Variants in HCN1 observed in about 807,000 individuals in gnomAD.
HCN1 encodes hyperpolarization activated cyclic nucleotide gated potassium channel 1, also known as potassium/sodium hyperpolarization-activated cyclic nucleotide-gated channel 1.
Under a neutral mutation model 78.9 loss-of-function variants are expected in HCN1, and 13 were observed. The observed-to-expected ratio is 0.16, with a 90% confidence interval of 0.11 to 0.26. HCN1 has a LOEUF of 0.26. HCN1 is among the 10% of genes least tolerant of loss of function. HCN1 has a pLI of 1.00. For missense variants in HCN1, 810 were observed against 1,154.3 expected, an observed-to-expected ratio of 0.70 and a Z score of 4.32; for synonymous variants, 552 against 455.5, an observed-to-expected ratio of 1.21 and a Z score of -2.70.
At chr5:45,577,443 C>T (rs1057408743) in intron 2 of HCN1, among the ~76,000 whole-genome samples, 6 of 151,970 alleles carry the variant, frequency 3.9e-5, no homozygotes, top group Non-Finnish European at 7.4e-5. Flanking sequence ...AAACTAGTTT[C>T]ACAAATTATC....
chr5:45,318,293 T>C (rs1369836712), intron 5 of HCN1, among the ~76,000 whole-genome samples: 1 of 152,038 alleles, frequency 6.6e-6, no homozygotes, highest in African/African-American at 2.4e-5. Flanking sequence ...AAACCATCTT[T>C]CTTAGAAAAC....
chr5:45,303,427 T>C (rs1435912613), intron 6 of HCN1, among the ~76,000 whole-genome samples, 172 bp downstream of exon 6: 4 of 152,142 alleles, frequency 2.6e-5, no homozygotes, highest in African/African-American at 9.7e-5. Context: ...TGCACACACA[T>C]TGAGCCTGTG....
At chr5:45,350,695 A>C (rs1746875919) in intron 5 of HCN1, among the ~76,000 whole-genome samples, 1 of 150,940 alleles carries the variant, frequency 6.6e-6, no homozygotes, top group Non-Finnish European at 1.5e-5. Flanking sequence ...TACAAAATCA[A>C]TGTACAAAAA....
intron 4 of HCN1, 30 bp from the exon 5 acceptor site, chr5:45,353,276 A>C: frequency 6.6e-7 from 1 of 1,516,380 alleles, no homozygotes; most frequent in Non-Finnish European, 9.1e-7. Flanking sequence ...AAATTAAAAA[A>C]AAACATTGTT....
At chr5:45,633,231 TG>T (rs1745300136) in intron 2 of HCN1, among the ~76,000 whole-genome samples, 1 of 152,000 alleles carries the variant, frequency 6.6e-6, no homozygotes, top group African/African-American at 2.4e-5. Flanking sequence ...TGAATGCAAA[TG>T]AATGTCTCAT....
intron 5 of HCN1, among the ~76,000 whole-genome samples, chr5:45,314,971 T>A (rs1468324781): frequency 6.6e-6 from 1 of 152,120 alleles, no homozygotes; most frequent in African/African-American, 2.4e-5. Context: ...AATGGGAGAC[T>A]TTAACATCCC....
chr5:45,470,182 C>A (rs78004868), intron 2 of HCN1, among the ~76,000 whole-genome samples: 13 of 151,836 alleles, frequency 8.6e-5, no homozygotes, highest in Non-Finnish European at 1.6e-4. Context: ...CAGTCAAGTG[C>A]GGAATATTAA....
intron 2 of HCN1, among the ~76,000 whole-genome samples, chr5:45,593,374 C>T (rs1316137870): frequency 1.4e-5 from 2 of 148,140 alleles, no homozygotes; most frequent in Non-Finnish European, 3.0e-5. Context: ...ACACACACCC[C>T]ACATGTAAGA....
intron 6 of HCN1, among the ~76,000 whole-genome samples, chr5:45,290,126 TC>T (rs34497938): frequency 0.016 from 2,458 of 152,050 alleles, 70 homozygotes; most frequent in African/African-American, 0.056. Context: ...AAAGGGCAGT[TC>T]CCCTGCACAT....
intron 2 of HCN1, among the ~76,000 whole-genome samples, chr5:45,625,079 A>G (rs1342591060): frequency 6.6e-6 from 1 of 152,124 alleles, no homozygotes; most frequent in Non-Finnish European, 1.5e-5. Context: ...GGCTGGGCGT[A>G]GTGGCTCATG....
chr5:45,671,040 A>C (rs1448572145), intron 1 of HCN1, among the ~76,000 whole-genome samples: 1 of 151,746 alleles, frequency 6.6e-6, no homozygotes, highest in Non-Finnish European at 1.5e-5. Flanking sequence ...TAATTCCTTG[A>C]AAAGTGGCAA....
intron 2 of HCN1, among the ~76,000 whole-genome samples, chr5:45,594,759 G>A (rs938121478): frequency 6.6e-6 from 1 of 152,074 alleles, no homozygotes; most frequent in Admixed American, 6.5e-5. Context: ...ACCCACATCT[G>A]ACATTAACCA....
chr5:45,350,901 T>C (rs1015139589), intron 5 of HCN1, among the ~76,000 whole-genome samples: 14 of 152,160 alleles, frequency 9.2e-5, no homozygotes, highest in African/African-American at 1.7e-4. Flanking sequence ...GAAGAACATT[T>C]CATGCTCATG....
At chr5:45,498,051 A>T (rs1441209428) in intron 2 of HCN1, among the ~76,000 whole-genome samples, 3 of 152,024 alleles carry the variant, frequency 2.0e-5, no homozygotes, top group African/African-American at 7.3e-5. Context: ...GGTGAATCTG[A>T]CAATTATGTG....
intron 3 of HCN1, among the ~76,000 whole-genome samples, chr5:45,442,513 T>C (rs1257490141): frequency 1.3e-5 from 2 of 151,288 alleles, no homozygotes; most frequent in Non-Finnish European, 3.0e-5. Flanking sequence ...TAAGTATATA[T>C]ATTAAATAAT....
chr5:45,375,134 T>C (rs1223420444), intron 4 of HCN1, among the ~76,000 whole-genome samples: 1 of 121,580 alleles, frequency 8.2e-6, no homozygotes, highest in East Asian at 2.1e-4. Flanking sequence ...ATATAATATA[T>C]TTTATAATAT....
intron 2 of HCN1, among the ~76,000 whole-genome samples, chr5:45,524,273 A>G (rs1579948490): frequency 2.0e-5 from 3 of 152,210 alleles, no homozygotes; most frequent in African/African-American, 7.2e-5. Flanking sequence ...GCCTTGTAGT[A>G]TAGTTTGAAG....
chr5:45,456,539 C>A (rs1422521368), intron 3 of HCN1, among the ~76,000 whole-genome samples: 1 of 151,878 alleles, frequency 6.6e-6, no homozygotes, highest in Admixed American at 6.6e-5. Context: ...CAATGAAATA[C>A]CCTTGACTTG....
At chr5:45,504,221 G>C (rs150517335) in intron 2 of HCN1, among the ~76,000 whole-genome samples, 12,702 of 152,064 alleles carry the variant, frequency 0.084, 710 homozygotes, top group Middle Eastern at 0.14. Flanking sequence ...ATTTACATTA[G>C]GTATATCTCC....
Sources: allele counts gnomAD v4.1 joint callset (sites outside exome capture counted in the v4.1 genomes callset), GRCh38; gene constraint gnomAD v4.1.1; transcripts MANE v1.5; gene names NCBI Gene and HGNC (gene_info 2026-07-23, HGNC 2026-07-21).